NUBPL: variants seen among roughly 807,000 people sequenced by gnomAD.
The protein encoded by NUBPL is NUBP iron-sulfur cluster assembly factor, mitochondrial, also known as iron-sulfur cluster transfer protein NUBPL.
Under a neutral mutation model 45.7 loss-of-function variants are expected in NUBPL, and 31 were observed. The observed-to-expected ratio is 0.68, with a 90% CI of 0.51 to 0.92. NUBPL has a LOEUF of 0.92. Among genes scored for constraint, NUBPL ranks in the 40% least tolerant of loss-of-function variants. The probability of loss-of-function intolerance (pLI) is 0.00; values close to 1 mark genes in which losing one functional copy is unlikely to be tolerated. For missense variants in NUBPL, 401 were observed against 398.7 expected (o/e 1.01, Z -0.05); for synonymous variants, 144 against 140.9 (o/e 1.02, Z -0.15).
intron 4 of NUBPL, among the ~76,000 whole-genome samples, chr14:31,642,650 G>T (rs2035737471): frequency 6.6e-6 from 1 of 151,974 alleles, no homozygotes; most frequent in Admixed American, 6.6e-5. Context: ...TTGTGCTCAG[G>T]GTTGTTTTGG....
intron 4 of NUBPL, among the ~76,000 whole-genome samples, chr14:31,662,964 G>C (rs2036310921): frequency 6.6e-6 from 1 of 152,116 alleles, no homozygotes; most frequent in Non-Finnish European, 1.5e-5. Context: ...TCTCATTGTG[G>C]TTTTGATTTG....
intron 3 of NUBPL, among the ~76,000 whole-genome samples, chr14:31,592,983 C>G (rs2034182098): frequency 6.6e-6 from 1 of 152,070 alleles, no homozygotes; most frequent in African/African-American, 2.4e-5. Context: ...CATTTGCACT[C>G]CATATGTGCT....
intron 6 of NUBPL, among the ~76,000 whole-genome samples, chr14:31,755,644 A>G (rs1342840234): frequency 4.6e-5 from 7 of 152,082 alleles, no homozygotes; most frequent in Middle Eastern, 3.4e-3. Flanking sequence ...CCCATTTTGT[A>G]GGTTGCCTGT....
intron 7 of NUBPL, among the ~76,000 whole-genome samples, chr14:31,808,570 A>T (rs903430236): frequency 2.0e-5 from 3 of 152,194 alleles, no homozygotes; most frequent in Middle Eastern, 3.2e-3. Context: ...GCAAACAGGG[A>T]CAACTGGACT....
At chr14:31,565,290 T>G (rs919508780) in intron 3 of NUBPL, among the ~76,000 whole-genome samples, 5 of 152,204 alleles carry the variant, frequency 3.3e-5, no homozygotes, top group African/African-American at 1.2e-4. Flanking sequence ...GTTCTTTATA[T>G]CCTAAACCAA....
At chr14:31,640,274 T>A (rs1273376841) in intron 4 of NUBPL, among the ~76,000 whole-genome samples, 1 of 152,138 alleles carries the variant, frequency 6.6e-6, no homozygotes, top group Non-Finnish European at 1.5e-5. Context: ...ACTTCTTTAA[T>A]CTTATGCTTA....
At chr14:31,675,298 C>T (rs577909081) in intron 6 of NUBPL, among the ~76,000 whole-genome samples, 3 of 152,230 alleles carry the variant, frequency 2.0e-5, no homozygotes, top group South Asian at 2.1e-4. Flanking sequence ...TACAGTCTTT[C>T]GTGAAGTCAC....
At chr14:31,743,555 T>G (rs1358455532) in intron 6 of NUBPL, among the ~76,000 whole-genome samples, 2 of 152,084 alleles carry the variant, frequency 1.3e-5, no homozygotes, top group African/African-American at 2.4e-5. Flanking sequence ...AATTTTTGTA[T>G]TTTTAGTAGA....
chr14:31,746,793 A>G (rs1359595934), intron 6 of NUBPL, among the ~76,000 whole-genome samples: 3 of 151,860 alleles, frequency 2.0e-5, no homozygotes, highest in Non-Finnish European at 2.9e-5. Flanking sequence ...TTTGAGGCCG[A>G]GCATGGTGGC....
chr14:31,786,342 T>A (rs2039284034), intron 6 of NUBPL, among the ~76,000 whole-genome samples: 1 of 152,222 alleles, frequency 6.6e-6, no homozygotes, highest in Non-Finnish European at 1.5e-5. Flanking sequence ...CTTGAGCGTC[T>A]CCTGTTACCG....
intron 4 of NUBPL, among the ~76,000 whole-genome samples, chr14:31,639,475 G>A (rs927826221): frequency 2.0e-5 from 3 of 152,154 alleles, no homozygotes; most frequent in African/African-American, 7.2e-5. Context: ...GCTGTGTGAG[G>A]TGTCAGTCTG....
At chr14:31,590,500 G>A (rs1040239974) in intron 3 of NUBPL, among the ~76,000 whole-genome samples, 3 of 152,122 alleles carry the variant, frequency 2.0e-5, no homozygotes, top group African/African-American at 7.2e-5. Flanking sequence ...CTGAAGGGTG[G>A]ATCAAGTGCT....
At chr14:31,587,276 C>T (rs917580826) in intron 3 of NUBPL, among the ~76,000 whole-genome samples, 8 of 152,130 alleles carry the variant, frequency 5.3e-5, no homozygotes, top group Non-Finnish European at 1.2e-4. Flanking sequence ...TTGATTCCAA[C>T]TCTTCACTTA....
intron 4 of NUBPL, among the ~76,000 whole-genome samples, chr14:31,640,026 G>A (rs36024565): frequency 1.9e-4 from 29 of 152,104 alleles, no homozygotes; most frequent in Admixed American, 2.6e-4. Flanking sequence ...TCCCTGACCC[G>A]TTGTGCTTCC....
chr14:31,590,734 A>G (rs1324123760), intron 3 of NUBPL, among the ~76,000 whole-genome samples: 1 of 152,210 alleles, frequency 6.6e-6, no homozygotes, highest in East Asian at 1.9e-4. Context: ...ACTAGTTGAT[A>G]TCACAGATAA....
At chr14:31,618,757 T>G (rs546073805) in intron 4 of NUBPL, among the ~76,000 whole-genome samples, 156 of 152,200 alleles carry the variant, frequency 1.0e-3, no homozygotes, top group Middle Eastern at 3.4e-3. Context: ...TTCTGTTGAG[T>G]TAGGGTGGAG....
chr14:31,632,415 A>C (rs1009880611), intron 4 of NUBPL, among the ~76,000 whole-genome samples: 2 of 152,096 alleles, frequency 1.3e-5, no homozygotes, highest in Non-Finnish European at 2.9e-5. Context: ...CTTCTTTCTG[A>C]TCTCCTGCTT....
At chr14:31,572,115 T>A (rs2033601132) in intron 3 of NUBPL, among the ~76,000 whole-genome samples, 1 of 152,108 alleles carries the variant, frequency 6.6e-6, no homozygotes, top group Non-Finnish European at 1.5e-5. Flanking sequence ...CTTGGTGTAT[T>A]GCTCCTATTT....
intron 3 of NUBPL, among the ~76,000 whole-genome samples, chr14:31,577,254 C>T (rs1035664050): frequency 6.6e-6 from 1 of 152,166 alleles, no homozygotes; most frequent in South Asian, 2.1e-4. Flanking sequence ...TGTCGTGAAC[C>T]TAGCTAAGAA....
Sources: allele counts gnomAD v4.1 joint callset (sites outside exome capture counted in the v4.1 genomes callset), GRCh38; gene constraint gnomAD v4.1.1; transcripts MANE v1.5; gene names NCBI Gene and HGNC (gene_info 2026-07-23, HGNC 2026-07-21).